Variants in CCDC63 observed in about 807,000 individuals in gnomAD.
The protein encoded by CCDC63 is coiled-coil domain containing 63.
CCDC63 carries 54 observed loss-of-function variants against 63.6 expected under a neutral mutation model. That is an observed-to-expected ratio of 0.85 (90% CI 0.68 to 1.07). The LOEUF is 1.07. Ranked by LOEUF, CCDC63 falls within the 50% of genes least tolerant of loss-of-function variation. The pLI is 0.00. For synonymous variants in CCDC63, 253 were observed against 266.1 expected (o/e 0.95, Z 0.48); for missense variants, 637 against 689.6 (o/e 0.92, Z 0.86).
At chr12:110,863,263 CGTGTGTGT>C (rs34959062) in intron 4 of CCDC63, among the ~76,000 whole-genome samples, 1 of 149,130 alleles carries the variant, frequency 6.7e-6, no homozygotes, top group African/African-American at 2.5e-5. Context: ...GTGACACACA[CGTGTGTGT>C]GTGTGTGTGT....
chr12:110,846,690 G>C (rs960129593), upstream of CCDC63: 9 of 152,408 alleles, frequency 5.9e-5, no homozygotes, highest in African/African-American at 2.2e-4. Flanking sequence ...GTGTGAGTGG[G>C]GCGAGGTGGA....
chr12:110,883,600 A>G (rs1427552907), intron 7 of CCDC63, among the ~76,000 whole-genome samples: 1 of 144,880 alleles, frequency 6.9e-6, no homozygotes. Context: ...ACTACTATAT[A>G]TATATTTTTT....
chr12:110,891,117 C>A (rs2071351450), intron 8 of CCDC63, among the ~76,000 whole-genome samples: 1 of 151,958 alleles, frequency 6.6e-6, no homozygotes, highest in African/African-American at 2.4e-5. Flanking sequence ...ACCCTAGATG[C>A]TCTGTAGCAT....
rs776826801 is a variant in CCDC63 at position 110,881,260 on chromosome 12, C to A, written c.817C>A (p.Arg273Ser). The A allele has an allele frequency of 1.9e-6, 3 of 1,613,612 alleles. No homozygotes were observed. The highest frequency in any genetic ancestry group is 1.1e-5 in the South Asian group (1 of 90,970). Reference protein sequence around the residue: ...KSFLLVKLNDRNEFEEQAKRE... With the variant: ...KSFLLVKLNDSNEFEEQAKRE... ...CTTCCTGCTCGTCAAGCTGAATGAT[C>A]GCAATGAATTCGAGGAGCAGGCCAA... The change falls in exon 7 of 12, where the codon CGC (arginine) becomes AGC (serine). Residue 273 changes from arginine to serine, a missense_variant. Transcript: ENST00000308208.
chr12:110,884,643 T>A (rs1231440934), intron 8 of CCDC63, among the ~76,000 whole-genome samples: 1 of 152,134 alleles, frequency 6.6e-6, no homozygotes. Context: ...CCCAAAGTAC[T>A]GAGATTACAA....
intron 8 of CCDC63, among the ~76,000 whole-genome samples, chr12:110,891,655 A>AG (rs1555255374): frequency 7.3e-6 from 1 of 137,666 alleles, no homozygotes; most frequent in Non-Finnish European, 1.5e-5. Context: ...AAAAAAAAAA[A>AG]GAAGAAGAAG....
chr12:110,879,793 T>A (rs896732931), intron 5 of CCDC63, 113 bp from the exon 6 acceptor site: 2 of 988,098 alleles, frequency 2.0e-6, no homozygotes, highest in African/African-American at 1.6e-5. Context: ...CACTCCTCCA[T>A]GGCCCTTGCG....
intron 8 of CCDC63, among the ~76,000 whole-genome samples, chr12:110,892,023 C>G (rs1016043018): frequency 5.9e-5 from 9 of 152,206 alleles, no homozygotes; most frequent in Non-Finnish European, 8.8e-5. Flanking sequence ...ACAGCAGTGG[C>G]AGCATCACCT....
rs199740003 is a variant in CCDC63 at position 110,858,778 on chromosome 12, G to A, written c.369+3G>A. 6.2e-7 allele frequency: 1 copy of A among 1,611,910 alleles called. No individual in the cohort carries two copies. The highest frequency in any genetic ancestry group is 2.2e-5 in the East Asian group (1 of 44,864). On this transcript the variant is annotated splice_donor_region_variant and intron_variant, in intron 4 of 11. Transcript: ENST00000308208. The stretch of plus-strand genomic sequence containing the variant: ...TGTTGGCTGAACTGGATGAGAAGGT[G>A]TGGTCTTTCTCTTAAAGGGTTAACC...
intron 1 of CCDC63, among the ~76,000 whole-genome samples, chr12:110,848,958 C>G (rs776563022): frequency 1.3e-5 from 2 of 152,154 alleles, no homozygotes; most frequent in Non-Finnish European, 2.9e-5. Context: ...CCTTGTTAGT[C>G]AGGTAAATCC....
chr12:110,858,110 TATAAA>T (rs67701132), intron 3 of CCDC63, among the ~76,000 whole-genome samples: 5,244 of 137,808 alleles, frequency 0.038, 191 homozygotes, highest in African/African-American at 0.092. Flanking sequence ...TGTCTCAAAA[TATAAA>T]ATAAAATAAA....
At chr12:110,904,381 T>G (rs1369960464) in intron 10 of CCDC63, among the ~76,000 whole-genome samples, 1 of 151,700 alleles carries the variant, frequency 6.6e-6, no homozygotes, top group African/African-American at 2.4e-5. Flanking sequence ...AAGAACCAAA[T>G]TTCAGCCTCT....
rs2071330869 is a variant in CCDC63 at position 110,889,555 on chromosome 12, T to C, written c.1075-3521T>C. The stretch of plus-strand genomic sequence containing the variant: ...CACACGCAAAGGCCCTGACGCAGCT[T>C]GCAAGCAGGCCAGGGTGTCTGGCGC... On this transcript the variant is annotated intron_variant, in intron 8 of 11. Coordinates refer to ENST00000308208, the MANE Select transcript of CCDC63 (RefSeq NM_152591.3). This position sits in a 1 kb window ranked among gnomAD's most constrained non-coding sequence, Gnocchi z 4.1. Among the ~76,000 whole-genome samples the C allele has an allele frequency of 6.6e-6, 1 of 152,058 alleles. No individual in the cohort carries two copies. Among genetic ancestry groups the C allele is most frequent in the South Asian group, 2.1e-4 (1 of 4,802 alleles).
At chr12:110,867,250 G>C (rs1441226290) in intron 4 of CCDC63, among the ~76,000 whole-genome samples, 2 of 112,436 alleles carry the variant, frequency 1.8e-5, no homozygotes, top group Non-Finnish European at 3.8e-5. Context: ...CCTCCCGGAC[G>C]GGGCGGCTGG....
intron 9 of CCDC63, among the ~76,000 whole-genome samples, chr12:110,894,299 T>A (rs892532972): frequency 6.6e-6 from 1 of 152,146 alleles, no homozygotes; most frequent in Non-Finnish European, 1.5e-5. Context: ...TTAAACTTCA[T>A]TGGCCACCCC....
intron 4 of CCDC63, among the ~76,000 whole-genome samples, chr12:110,861,207 C>T (rs2070849175): frequency 6.6e-6 from 1 of 152,202 alleles, no homozygotes; most frequent in Admixed American, 6.5e-5. Flanking sequence ...TCCTCCAACA[C>T]TGAGGATTAC....
intron 11 of CCDC63, among the ~76,000 whole-genome samples, chr12:110,906,060 A>T (rs1471514231): frequency 4.2e-4 from 37 of 87,426 alleles, no homozygotes; most frequent in South Asian, 1.2e-3. Context: ...TATATATATA[A>T]TATATATACT....
At chr12:110,874,613 T>G (rs1320325276) in intron 5 of CCDC63, among the ~76,000 whole-genome samples, 5 of 152,238 alleles carry the variant, frequency 3.3e-5, no homozygotes, top group Non-Finnish European at 7.3e-5. Context: ...GATTTCATTT[T>G]TGGGTAGCCC....
intron 10 of CCDC63, among the ~76,000 whole-genome samples, chr12:110,900,095 C>T (rs994580624): frequency 5.9e-5 from 9 of 151,960 alleles, no homozygotes; most frequent in Admixed American, 5.9e-4. Flanking sequence ...ACACTGTAGT[C>T]CCAGATACTC....
Sources: allele counts gnomAD v4.1 joint callset (sites outside exome capture counted in the v4.1 genomes callset), GRCh38; gene constraint gnomAD v4.1.1; non-coding constraint Gnocchi (gnomAD v3.1); transcripts MANE v1.5; gene names NCBI Gene and HGNC (gene_info 2026-07-23, HGNC 2026-07-21).